TRHDE: variants seen among roughly 807,000 people sequenced by gnomAD.
TRHDE encodes the protein thyrotropin-releasing hormone-degrading ectoenzyme.
Under a neutral mutation model 125.7 loss-of-function variants are expected in TRHDE, and 72 were observed. The observed-to-expected ratio is 0.57, with a 90% CI of 0.47 to 0.70. The LOEUF is 0.70. Ranked by LOEUF, TRHDE falls within the 30% of genes least tolerant of loss-of-function variation. The probability of loss-of-function intolerance (pLI) is 0.00; values close to 1 mark genes in which losing one functional copy is unlikely to be tolerated. For missense variants in TRHDE, 1,110 were observed against 1,327.1 expected, an observed-to-expected ratio of 0.84 and a Z score of 2.54; for synonymous variants, 509 against 509.1, an observed-to-expected ratio of 1.00 and a Z score of 0.00.
intron 2 of TRHDE, among the ~76,000 whole-genome samples, chr12:72,143,143 G>A (rs538730596): frequency 6.6e-5 from 10 of 152,148 alleles, no homozygotes; most frequent in African/African-American, 2.2e-4. Context: ...ACTACTGTGG[G>A]GCTGAGAGCC....
chr12:72,288,272 A>G (rs1279939347), intron 2 of TRHDE, among the ~76,000 whole-genome samples: 1 of 152,162 alleles, frequency 6.6e-6, no homozygotes, highest in African/African-American at 2.4e-5. Context: ...CTAAATTTTG[A>G]AAAATAGTTT....
chr12:72,582,184 T>G (rs1479478367), intron 12 of TRHDE: 1 of 906,820 alleles, frequency 1.1e-6, no homozygotes, highest in Non-Finnish European at 1.3e-6. Flanking sequence ...TTGATGAATA[T>G]ATAAGTTAAA....
intron 2 of TRHDE, among the ~76,000 whole-genome samples, chr12:72,291,803 T>A (rs1474559372): frequency 2.0e-5 from 3 of 152,196 alleles, no homozygotes; most frequent in African/African-American, 7.2e-5. Context: ...GACTTGAGCA[T>A]CTATAGATTT....
chr12:72,331,788 A>C (rs1361186345), intron 2 of TRHDE, among the ~76,000 whole-genome samples: 1 of 152,224 alleles, frequency 6.6e-6, no homozygotes, highest in Admixed American at 6.5e-5. Flanking sequence ...GTTGAATTAC[A>C]TATGGATCAG....
intron 7 of TRHDE, among the ~76,000 whole-genome samples, chr12:72,561,633 C>T (rs1045303405): frequency 6.6e-6 from 1 of 152,090 alleles, no homozygotes; most frequent in Non-Finnish European, 1.5e-5. Flanking sequence ...TGTTTCAAAT[C>T]CATGGAAATA....
intron 2 of TRHDE, among the ~76,000 whole-genome samples, chr12:72,238,500 G>A (rs566520471): frequency 1.3e-4 from 20 of 150,016 alleles, no homozygotes; most frequent in Middle Eastern, 6.8e-3. Flanking sequence ...CCATCAACTC[G>A]TCACCTACAT....
chr12:72,662,874 ATTTC>A (rs1565827288), intron 18 of TRHDE, among the ~76,000 whole-genome samples, 174 bp from the exon 19 acceptor site: 17 of 150,398 alleles, frequency 1.1e-4, no homozygotes, highest in African/African-American at 4.0e-4. Flanking sequence ...AATCTGTCAT[ATTTC>A]ATTCAGTTGC....
intron 2 of TRHDE, among the ~76,000 whole-genome samples, chr12:72,314,861 G>T (rs1263541611): frequency 1.3e-5 from 2 of 152,110 alleles, no homozygotes; most frequent in Non-Finnish European, 2.9e-5. Context: ...TTGGAAATGT[G>T]GTTACACTTA....
chr12:72,505,046 A>G (rs1878303720), intron 6 of TRHDE, among the ~76,000 whole-genome samples: 1 of 152,202 alleles, frequency 6.6e-6, no homozygotes, highest in Admixed American at 6.5e-5. Context: ...GAAATGTATT[A>G]TAACGGGACA....
chr12:72,421,867 C>T (rs1187086017), intron 3 of TRHDE, among the ~76,000 whole-genome samples: 2 of 152,052 alleles, frequency 1.3e-5, no homozygotes, highest in Non-Finnish European at 2.9e-5. Context: ...ATCACTGCCT[C>T]TGGATATTTT....
intron 2 of TRHDE, among the ~76,000 whole-genome samples, chr12:72,340,266 C>T (rs1006660089): frequency 1.3e-5 from 2 of 152,166 alleles, no homozygotes; most frequent in Non-Finnish European, 2.9e-5. Context: ...CACAATCCAA[C>T]TACCCAGATG....
At chr12:72,505,741 C>T (rs1878330752) in intron 6 of TRHDE, among the ~76,000 whole-genome samples, 1 of 152,176 alleles carries the variant, frequency 6.6e-6, no homozygotes. Flanking sequence ...ATTTAACTTG[C>T]TGCGCTTTGC....
intron 12 of TRHDE, among the ~76,000 whole-genome samples, chr12:72,600,430 T>C (rs1037920029): frequency 6.6e-6 from 1 of 152,106 alleles, no homozygotes; most frequent in Non-Finnish European, 1.5e-5. Context: ...TATGACTTAT[T>C]TCAGCAGTGT....
chr12:72,527,602 A>G (rs1265461105), intron 6 of TRHDE, among the ~76,000 whole-genome samples: 1 of 151,348 alleles, frequency 6.6e-6, no homozygotes, highest in East Asian at 1.9e-4. Context: ...AAAAAAAAAG[A>G]CAAAATAAGC....
chr12:72,546,024 C>T (rs1022385802), intron 7 of TRHDE, among the ~76,000 whole-genome samples: 3 of 151,568 alleles, frequency 2.0e-5, no homozygotes, highest in African/African-American at 4.8e-5. Flanking sequence ...GGAACTCAAA[C>T]AAGGGGAATT....
intron 10 of TRHDE, 76 bp from the exon 11 acceptor site, chr12:72,575,179 C>A: frequency 2.2e-6 from 3 of 1,383,520 alleles, no homozygotes; most frequent in Non-Finnish European, 3.0e-6. Flanking sequence ...ATTGTTATAT[C>A]TGGCGTTAAG....
rs1592509672 is a variant in TRHDE, at chr12:72,272,545, G to T, written c.-99G>T. 2 of 574,366 alleles carry T rather than the reference G, an allele frequency of 3.5e-6. No individual in the cohort carries two copies. The highest frequency in any genetic ancestry group is 2.4e-5 in the South Asian group (1 of 42,178). 35.6% of individuals were successfully genotyped at this position (574,366 alleles called of 1,614,324 possible). Reference sequence around the variant, plus strand: ...CCAGCATCCCCAGTCGCGCGCCCTCGGCCCGCGTGAGCTCTCCGATGCCTG... The same window carrying T: ...CCAGCATCCCCAGTCGCGCGCCCTCTGCCCGCGTGAGCTCTCCGATGCCTG... On this transcript the variant is annotated 5_prime_UTR_variant, in exon 1 of 19. Coordinates refer to ENST00000261180, the MANE Select transcript of TRHDE (RefSeq NM_013381.3). This position sits in a 1 kb window ranked among gnomAD's most constrained non-coding sequence, Gnocchi z 6.7.
intron 2 of TRHDE, among the ~76,000 whole-genome samples, chr12:72,290,284 A>G (rs1199405920): frequency 1.3e-5 from 2 of 152,364 alleles, no homozygotes; most frequent in Admixed American, 6.5e-5. Context: ...ATAGTGTAGC[A>G]TGATGATTAT....
At chr12:72,453,441 A>G (rs1875680236) in intron 3 of TRHDE, among the ~76,000 whole-genome samples, 1 of 152,320 alleles carries the variant, frequency 6.6e-6, no homozygotes. Flanking sequence ...GAACAAAGAA[A>G]TAAGTTGGAA....
Sources: allele counts gnomAD v4.1 joint callset (sites outside exome capture counted in the v4.1 genomes callset), GRCh38; gene constraint gnomAD v4.1.1; non-coding constraint Gnocchi (gnomAD v3.1); transcripts MANE v1.5; gene names NCBI Gene and HGNC (gene_info 2026-07-23, HGNC 2026-07-21).